TASP1: variants seen among roughly 807,000 people sequenced by gnomAD.
TASP1 encodes the protein taspase 1.
Under a neutral mutation model 56.6 loss-of-function variants are expected in TASP1, and 16 were observed. The observed-to-expected ratio is 0.28, with a 90% confidence interval of 0.19 to 0.43. TASP1 has a LOEUF of 0.43. Among genes scored for constraint, TASP1 ranks in the 20% least tolerant of loss-of-function variants. TASP1 has a pLI of 1.00. For missense variants in TASP1, 393 were observed against 511.6 expected, an observed-to-expected ratio of 0.77 and a Z score of 2.24; for synonymous variants, 179 against 184.2, an observed-to-expected ratio of 0.97 and a Z score of 0.23.
chr20:13,324,485 C>T, the TASP1 span, among the ~76,000 whole-genome samples: 1 of 152,164 alleles, frequency 6.6e-6, no homozygotes, highest in Non-Finnish European at 1.5e-5. Context: ...TTTAAATTTA[C>T]ATCCTTACTT....
In TASP1 at chr20:13,398,387, C is replaced by T. The variant is rs186519752; in HGVS notation, c.1171-7935G>A. Among the ~76,000 whole-genome samples the T allele has an allele frequency of 3.0e-3, 457 of 151,088 alleles. 2 individuals carry two copies. Among genetic ancestry groups the T allele is most frequent in the African/African-American group, 9.0e-3 (370 of 41,270 alleles). ...TGCTCTCTCTTTAAAAAAAAAAAAG[C>T]GGGGGGCAGTGCGGGAGCATGGGCA... On this transcript the variant is annotated intron_variant, in intron 13 of 13. Transcript: ENST00000337743.
At chr20:13,167,815 G>A in the TASP1 span, 1 of 152,096 alleles carries the variant, frequency 6.6e-6, no homozygotes, top group South Asian at 2.1e-4. Context: ...TAGTGCCCAG[G>A]AATCTACATT....
the TASP1 span, chr20:13,110,089 T>A: frequency 2.5e-6 from 4 of 1,576,870 alleles, no homozygotes; most frequent in East Asian, 2.2e-5. Context: ...TGACTCAATT[T>A]TTTTTTTTGG....
the TASP1 span, among the ~76,000 whole-genome samples, chr20:13,230,069 G>A: frequency 1.3e-5 from 2 of 152,070 alleles, no homozygotes; most frequent in African/African-American, 4.8e-5. Context: ...TCTACTCATA[G>A]TTTAAAAGGC....
chr20:13,426,748 A>C (rs913520620), intron 12 of TASP1, among the ~76,000 whole-genome samples: 2 of 152,150 alleles, frequency 1.3e-5, no homozygotes, highest in African/African-American at 2.4e-5. Flanking sequence ...TTCACCTTGC[A>C]TCTAAGTTAC....
At chr20:13,510,868 G>T (rs1452901079) in intron 10 of TASP1, among the ~76,000 whole-genome samples, 1 of 152,016 alleles carries the variant, frequency 6.6e-6, no homozygotes, top group African/African-American at 2.4e-5. Flanking sequence ...TTAGTTTTTG[G>T]TTCATCCTTA....
chr20:13,123,258 G>A, the TASP1 span, among the ~76,000 whole-genome samples: 1 of 151,940 alleles, frequency 6.6e-6, no homozygotes, highest in Non-Finnish European at 1.5e-5. Context: ...TGGAGCCCAG[G>A]AGACGAAGGT....
the TASP1 span, among the ~76,000 whole-genome samples, chr20:13,331,493 C>G: frequency 9.7e-4 from 148 of 152,236 alleles, no homozygotes; most frequent in African/African-American, 3.4e-3. Context: ...CAATTCTATA[C>G]TGAAGCACCA....
the TASP1 span, among the ~76,000 whole-genome samples, chr20:13,183,131 T>A: frequency 6.6e-6 from 1 of 152,332 alleles, no homozygotes; most frequent in African/African-American, 2.4e-5. Flanking sequence ...ACAATAGGGT[T>A]TGCCCTCTTG....
intron 4 of TASP1, among the ~76,000 whole-genome samples, chr20:13,602,741 C>T (rs551683363): frequency 4.6e-5 from 7 of 152,202 alleles, no homozygotes; most frequent in Admixed American, 4.6e-4. Flanking sequence ...GAATCTAATG[C>T]CACCACTGAT....
chr20:13,236,791 ATCT>A, the TASP1 span, among the ~76,000 whole-genome samples: 1 of 152,198 alleles, frequency 6.6e-6, no homozygotes, highest in Non-Finnish European at 1.5e-5. Context: ...CTCCAAAATG[ATCT>A]TCTTTGACTC....
chr20:13,184,840 A>C, the TASP1 span, among the ~76,000 whole-genome samples: 1 of 152,230 alleles, frequency 6.6e-6, no homozygotes, highest in African/African-American at 2.4e-5. Flanking sequence ...AACTAAGCCC[A>C]GTCTAGGTCA....
the TASP1 span, among the ~76,000 whole-genome samples, chr20:13,362,942 T>C: frequency 1.3e-5 from 2 of 151,762 alleles, no homozygotes; most frequent in African/African-American, 4.8e-5. Flanking sequence ...ATATTTGGTC[T>C]CTGTCCTGGT....
At chr20:13,538,246 C>T (rs2045489292) in intron 8 of TASP1, among the ~76,000 whole-genome samples, 1 of 152,142 alleles carries the variant, frequency 6.6e-6, no homozygotes, top group Non-Finnish European at 1.5e-5. Context: ...TCAGGCTATC[C>T]ACCTGCCTTG....
intron 4 of TASP1, among the ~76,000 whole-genome samples, chr20:13,620,639 C>G (rs1473469309): frequency 6.6e-6 from 1 of 152,146 alleles, no homozygotes; most frequent in African/African-American, 2.4e-5. Flanking sequence ...GAGAAAAGAA[C>G]AATGACTGTT....
At position 13,568,816 on chromosome 20, in the gene TASP1, T is replaced by TATACTTACAA. The variant is rs1232449377; in HGVS notation, c.568+681_568+690dup. ...TCTAAAATCTCTGCCAATTCACATT[T>TATACTTACAA]ATACTTACAATGTACTATGATTATT... On this transcript the variant is annotated intron_variant, in intron 7 of 13. Transcript: ENST00000337743. Among the ~76,000 whole-genome samples, 4 of 152,310 alleles carry TATACTTACAA rather than the reference T, an allele frequency of 2.6e-5. No individual in the cohort carries two copies. The East Asian group carries it at 7.7e-4, about 29-fold the overall frequency.
intron 1 of TASP1, among the ~76,000 whole-genome samples, chr20:13,632,753 C>T (rs1227687232): frequency 1.3e-5 from 2 of 152,146 alleles, no homozygotes; most frequent in African/African-American, 4.8e-5. Flanking sequence ...AATGAAGCAA[C>T]TTCTACTCCA....
At chr20:13,359,275 C>A in the TASP1 span, among the ~76,000 whole-genome samples, 9 of 149,126 alleles carry the variant, frequency 6.0e-5, no homozygotes, top group African/African-American at 7.7e-5. Context: ...AAGGAATGCC[C>A]GCAGGCCAGG....
At chr20:13,454,785 T>G (rs1036517338) in intron 11 of TASP1, among the ~76,000 whole-genome samples, 14 of 152,266 alleles carry the variant, frequency 9.2e-5, no homozygotes, top group African/African-American at 3.4e-4. Flanking sequence ...TCCTTCCTTG[T>G]GTCAGTCCCT....
Sources: allele counts gnomAD v4.1 joint callset (sites outside exome capture counted in the v4.1 genomes callset), GRCh38; gene constraint gnomAD v4.1.1; transcripts MANE v1.5; gene names NCBI Gene and HGNC (gene_info 2026-07-23, HGNC 2026-07-21).